Variants in VEPH1 observed in about 807,000 individuals in gnomAD.
VEPH1 encodes the protein ventricular zone-expressed PH domain-containing protein homolog 1.
In VEPH1, 80 loss-of-function variants were observed where a neutral mutation model predicts 85.2. The observed-to-expected ratio is 0.94, with a 90% CI of 0.78 to 1.13. The LOEUF (loss-of-function observed/expected upper bound fraction) is 1.13, where lower values mean the gene tolerates loss of function less well. Ranked by LOEUF, VEPH1 falls within the 50% of genes most tolerant of loss-of-function variation. The pLI is 0.00. For synonymous variants in VEPH1, 297 were observed against 348.0 expected, an observed-to-expected ratio of 0.85 and a Z score of 1.63; for missense variants, 955 against 980.5, an observed-to-expected ratio of 0.97 and a Z score of 0.35.
intron 9 of VEPH1, among the ~76,000 whole-genome samples, chr3:157,341,673 A>C: frequency 1.3e-5 from 2 of 152,222 alleles, no homozygotes; most frequent in Non-Finnish European, 2.9e-5. Context: ...AAATACAGAG[A>C]ACGTGACAAA....
At chr3:157,384,274 A>G (rs765850889) in intron 6 of VEPH1, among the ~76,000 whole-genome samples, 1 of 152,208 alleles carries the variant, frequency 6.6e-6, no homozygotes, top group Non-Finnish European at 1.5e-5. Flanking sequence ...TAAACTCAAC[A>G]TTCTCAGTAA....
In VEPH1 at chr3:157,261,294, T is replaced by C; in HGVS notation, c.2342A>G (p.Asp781Gly). The C allele has an allele frequency of 1.9e-6, 3 of 1,613,714 alleles. No individual in the cohort carries two copies. The highest frequency in any genetic ancestry group is 2.5e-6 in the Non-Finnish European group (3 of 1,179,764). ...SVKAVAKKRRDRSLPRAFEIF... is the reference protein window; with the variant it reads ...SVKAVAKKRRGRSLPRAFEIF... ...TTCGAAAGCCCGGGGGAGAGAGCGG[T>C]CCCTGCGTTTCTTGGCCACAGCCTT... The change falls in exon 14 of 14, where the codon GAC becomes GGC. Residue 781 changes from aspartate (D) to glycine (G), a missense_variant. Physicochemically the swap from Asp to Gly is moderately conservative, Grantham distance 94. Coordinates refer to ENST00000362010, the MANE Select transcript of VEPH1 (RefSeq NM_001167912.2).
intron 5 of VEPH1, among the ~76,000 whole-genome samples, chr3:157,420,636 A>G (rs373174672): frequency 2.0e-4 from 30 of 152,300 alleles, no homozygotes; most frequent in African/African-American, 7.0e-4. Context: ...ATGACTTCTT[A>G]TTTTAAATGA....
chr3:157,320,390 A>G (rs1002713195), intron 9 of VEPH1, among the ~76,000 whole-genome samples: 6 of 152,184 alleles, frequency 3.9e-5, no homozygotes, highest in Admixed American at 1.3e-4. Context: ...TTTTGAACTT[A>G]AAGTGTGAGA....
At chr3:157,295,058 C>G (rs1036017583) in intron 11 of VEPH1, among the ~76,000 whole-genome samples, 7 of 152,110 alleles carry the variant, frequency 4.6e-5, no homozygotes, top group East Asian at 1.9e-4. Context: ...TGTTCCACCC[C>G]CTATGTAAAT....
chr3:157,415,317 A>C (rs1337100941), intron 5 of VEPH1: 1 of 152,214 alleles, frequency 6.6e-6, no homozygotes, highest in African/African-American at 2.4e-5. Flanking sequence ...TTCACTGTTT[A>C]GTAAAGGAGA....
chr3:157,364,303 C>T lies in VEPH1; in HGVS notation c.1337G>A (p.Arg446Lys). ...KEERKNIRFN[R>K]SKSLAFHTML... The stretch of plus-strand genomic sequence containing the variant: ...AAAAAACAAACCAAACGAGTTATAC[C>T]TGTTAAATCTAATGTTTTTTCTTTC... The change falls in exon 8 of 14, where the codon AGG becomes AAG. Residue 446 changes from arginine (R) to lysine (K), a missense_variant and splice_region_variant. Physicochemically the swap from Arg to Lys is conservative, Grantham distance 26 (BLOSUM62 2). Transcript: ENST00000362010. The T allele has an allele frequency of 6.2e-7, 1 of 1,602,584 alleles. No individual in the cohort carries two copies. The highest frequency in any genetic ancestry group is 8.5e-7 in the Non-Finnish European group (1 of 1,172,692).
chr3:157,399,850 C>T (rs1199268359), intron 6 of VEPH1, among the ~76,000 whole-genome samples: 1 of 151,788 alleles, frequency 6.6e-6, no homozygotes, highest in Non-Finnish European at 1.5e-5. Flanking sequence ...AAATAAAAAC[C>T]TTGTTAATCT....
At chr3:157,403,939 C>T (rs950081620) in intron 6 of VEPH1, among the ~76,000 whole-genome samples, 7 of 152,122 alleles carry the variant, frequency 4.6e-5, no homozygotes, top group Non-Finnish European at 1.0e-4. Flanking sequence ...ACCACCTGGG[C>T]ATCTTGTTCA....
chr3:157,499,356 T>TC (rs1171212707), intron 1 of VEPH1: 1 of 151,704 alleles, frequency 6.6e-6, no homozygotes, highest in Non-Finnish European at 1.5e-5. Flanking sequence ...GTGGCACATT[T>TC]CAGGGAGTCA....
At chr3:157,496,712 G>A (rs1036291008) in intron 1 of VEPH1, among the ~76,000 whole-genome samples, 2 of 152,206 alleles carry the variant, frequency 1.3e-5, no homozygotes, top group African/African-American at 4.8e-5. Context: ...ACCTCTTTGT[G>A]TTGAGTGCAA....
chr3:157,400,717 AT>A (rs201426918), intron 6 of VEPH1, among the ~76,000 whole-genome samples: 5 of 151,840 alleles, frequency 3.3e-5, no homozygotes, highest in African/African-American at 7.3e-5. Context: ...ATTTTCCAGC[AT>A]TTTTTTTGTT....
intron 11 of VEPH1, among the ~76,000 whole-genome samples, chr3:157,298,029 G>A (rs770926496): frequency 2.2e-4 from 34 of 151,880 alleles, no homozygotes; most frequent in Non-Finnish European, 7.4e-5. Context: ...GCCAAAAATT[G>A]AAAAAAATTC....
chr3:157,285,307 G>A (rs561388826), intron 12 of VEPH1: 1 of 152,276 alleles, frequency 6.6e-6, no homozygotes, highest in South Asian at 2.1e-4. Context: ...ACAAAGGCTG[G>A]CGTCCTAACT....
chr3:157,489,942 AAG>A (rs1739070337), intron 2 of VEPH1, among the ~76,000 whole-genome samples: 1 of 151,986 alleles, frequency 6.6e-6, no homozygotes, highest in African/African-American at 2.4e-5. Flanking sequence ...AATTTTAAAA[AAG>A]AATATTATTA....
chr3:157,442,846 T>C, intron 4 of VEPH1: 4 of 1,614,170 alleles, frequency 2.5e-6, no homozygotes, highest in Non-Finnish European at 3.4e-6. Context: ...GGCTTCAATA[T>C]CTGGGATAGT....
At chr3:157,446,809 G>C (rs540688265) in intron 4 of VEPH1, among the ~76,000 whole-genome samples, 2 of 152,280 alleles carry the variant, frequency 1.3e-5, no homozygotes, top group Non-Finnish European at 2.9e-5. Flanking sequence ...AATCTGGAGT[G>C]TAGCAGAAAA....
At chr3:157,375,114 C>T (rs74732152) in intron 7 of VEPH1, among the ~76,000 whole-genome samples, 1,679 of 152,236 alleles carry the variant, frequency 0.011, 32 homozygotes, top group East Asian at 0.045. Flanking sequence ...TCTATTATCC[C>T]GATGCATATG....
chr3:157,459,497 A>C, intron 4 of VEPH1: 3 of 646,368 alleles, frequency 4.6e-6, no homozygotes, highest in Non-Finnish European at 5.9e-6. Flanking sequence ...ATCTTTATTA[A>C]TGAGAAATGG....
Sources: allele counts gnomAD v4.1 joint callset (sites outside exome capture counted in the v4.1 genomes callset), GRCh38; gene constraint gnomAD v4.1.1; transcripts MANE v1.5; gene names NCBI Gene and HGNC (gene_info 2026-07-23, HGNC 2026-07-21).